Variants in PPIL2 observed in about 807,000 individuals in gnomAD.
PPIL2 encodes the protein peptidylprolyl isomerase like 2.
PPIL2 carries 50 observed loss-of-function variants against 75.2 expected under a neutral mutation model. The observed-to-expected ratio is 0.66, with a 90% confidence interval of 0.53 to 0.84. PPIL2 has a LOEUF of 0.84. PPIL2 is among the 40% of genes least tolerant of loss of function. The pLI, the probability that PPIL2 is intolerant of heterozygous loss-of-function variation, is 0.00. For synonymous variants in PPIL2, 245 were observed against 258.8 expected, an observed-to-expected ratio of 0.95 and a Z score of 0.51; for missense variants, 590 against 685.0, an observed-to-expected ratio of 0.86 and a Z score of 1.55.
intron 7 of PPIL2, 98 bp from the exon 8 acceptor site, chr22:21,682,339 C>A: frequency 1.0e-6 from 1 of 989,392 alleles, no homozygotes. Context: ...CCTCTCAAAT[C>A]GTGCCATGGT....
chr22:21,670,130 C>A, intron 2 of PPIL2, 168 bp downstream of exon 2: 1 of 871,584 alleles, frequency 1.1e-6, no homozygotes, highest in Non-Finnish European at 1.8e-6. Context: ...GATAGAAGAA[C>A]CTGCTTCATC....
chr22:21,687,003 G>C lies in PPIL2; in HGVS notation c.897+5G>C. On this transcript the variant is annotated splice_donor_5th_base_variant and intron_variant, in intron 12 of 19. Coordinates refer to ENST00000398831, the MANE Select transcript of PPIL2 (RefSeq NM_014337.4). The stretch of plus-strand genomic sequence containing the variant: ...CTGGAGCTGCACTGCGACCTGGTGG[G>C]TGTGGAGGCCAGCCACTCCCCATGC... 1 of 1,612,586 alleles carries C rather than the reference G, an allele frequency of 6.2e-7. No homozygotes were observed. Among genetic ancestry groups the C allele is most frequent in the Non-Finnish European group, 8.5e-7 (1 of 1,179,382 alleles).
In PPIL2 at chr22:21,666,020, C is replaced by T; in HGVS notation, c.-80C>T. On this transcript the variant is annotated 5_prime_UTR_variant, in exon 1 of 20. The change creates a new upstream start codon in the 5' untranslated region. Transcript: ENST00000398831. ...GCGCCGCGGAACCCGGAAGTGGTCACGGAACTCGGCTGCGGCTCCATGGTC... is the reference window on the plus strand; with the variant it reads ...GCGCCGCGGAACCCGGAAGTGGTCATGGAACTCGGCTGCGGCTCCATGGTC... 6.6e-7 allele frequency: 1 copy of T among 1,525,624 alleles called. No individual in the cohort carries two copies. The highest frequency in any genetic ancestry group is 8.9e-7 in the Non-Finnish European group (1 of 1,121,608). 94.5% of individuals were successfully genotyped at this position (1,525,624 alleles called of 1,614,324 possible).
At chr22:21,675,702 C>A (rs1488110736) in intron 6 of PPIL2, among the ~76,000 whole-genome samples, 1 of 152,198 alleles carries the variant, frequency 6.6e-6, no homozygotes, top group African/African-American at 2.4e-5. Context: ...GGGCATGGGC[C>A]CCCTCTGGCT....
intron 15 of PPIL2, among the ~76,000 whole-genome samples, chr22:21,692,330 A>G (rs1311779588): frequency 1.3e-5 from 2 of 151,370 alleles, no homozygotes; most frequent in South Asian, 4.2e-4. Flanking sequence ...AATTTTTTGT[A>G]TTTTTAGTAG....
At chr22:21,681,172 C>T (rs1289922153) in intron 6 of PPIL2, 127 bp from the exon 7 acceptor site, 4 of 730,806 alleles carry the variant, frequency 5.5e-6, no homozygotes, top group Non-Finnish European at 7.2e-6. Context: ...TGGCAGCTGA[C>T]ATGGGGTTCC....
At chr22:21,670,410 G>C (rs2066586780) in intron 2 of PPIL2, 156 bp from the exon 3 acceptor site, 1 of 1,473,820 alleles carries the variant, frequency 6.8e-7, no homozygotes, top group Non-Finnish European at 9.1e-7. Context: ...CAAGTGTTTT[G>C]GTTTATCTGT....
chr22:21,695,193 C>A, intron 19 of PPIL2, 123 bp downstream of exon 19: 1 of 1,405,304 alleles, frequency 7.1e-7, no homozygotes. Context: ...TGGGCTTGTG[C>A]TGTGTGGCCT....
At chr22:21,671,281 T>TC (rs1334400469) in intron 4 of PPIL2, among the ~76,000 whole-genome samples, 2 of 152,190 alleles carry the variant, frequency 1.3e-5, no homozygotes, top group Admixed American at 1.3e-4. Context: ...CCCCTACCCC[T>TC]CCAAGTGCAG....
At chr22:21,698,082 C>CTT (rs2068007849), downstream of PPIL2, 2 of 152,204 alleles carry the variant, frequency 1.3e-5, no homozygotes, top group African/African-American at 4.8e-5. Context: ...TTTTAAATAA[C>CTT]TTAAATAGAA....
At chr22:21,669,138 CTT>C (rs1195574332) in intron 1 of PPIL2, among the ~76,000 whole-genome samples, 1 of 151,398 alleles carries the variant, frequency 6.6e-6, no homozygotes, top group East Asian at 2.0e-4. Context: ...CGTGAGCCAC[CTT>C]GCCCGGCCGG....
chr22:21,682,268 C>G (rs548767633), intron 7 of PPIL2, among the ~76,000 whole-genome samples, 169 bp from the exon 8 acceptor site: 2 of 152,320 alleles, frequency 1.3e-5, no homozygotes, highest in Non-Finnish European at 2.9e-5. Context: ...AGCTCCGCCT[C>G]TGTGGGAGCC....
intron 14 of PPIL2, among the ~76,000 whole-genome samples, chr22:21,688,467 A>T (rs998387399): frequency 6.6e-6 from 1 of 152,142 alleles, no homozygotes; most frequent in African/African-American, 2.4e-5. Context: ...AGTGATGATG[A>T]TGGTGGCCTT....
intron 6 of PPIL2, among the ~76,000 whole-genome samples, chr22:21,676,194 G>A (rs1459169172): frequency 2.6e-5 from 4 of 151,764 alleles, no homozygotes; most frequent in African/African-American, 9.7e-5. Flanking sequence ...AGGACACGGC[G>A]CTCCACCCTG....
chr22:21,686,818 A>T, intron 11 of PPIL2, 74 bp from the exon 12 acceptor site: 1 of 1,407,778 alleles, frequency 7.1e-7, no homozygotes, highest in Non-Finnish European at 1.0e-6. Flanking sequence ...TGTGTGTCTG[A>T]GGTCGGTGCT....
rs2067837725 is a variant in PPIL2, at chr22:21,694,672, G to A, written c.1269+7G>A. The A allele has an allele frequency of 6.2e-7, 1 of 1,613,934 alleles. No homozygotes were observed. Among genetic ancestry groups the A allele is most frequent in the Non-Finnish European group, 8.5e-7 (1 of 1,180,014 alleles). ...CAAAACTGACCGCCCTAAGGTCTGT[G>A]CCCAGGGAGGTGGGGCGTGGCGGCT... On this transcript the variant is annotated splice_region_variant and intron_variant, in intron 17 of 19. Transcript: ENST00000398831.
intron 3 of PPIL2, 62 bp downstream of exon 3, chr22:21,670,673 A>G: frequency 6.6e-7 from 1 of 1,512,584 alleles, no homozygotes; most frequent in African/African-American, 1.4e-5. Context: ...CTGATAGTGA[A>G]TCTGCCCCTT....
chr22:21,669,928 T>C lies in PPIL2; in HGVS notation c.48T>C (p.Ala16=). The C allele has an allele frequency of 6.2e-7, 1 of 1,614,070 alleles. No homozygotes were observed. Among genetic ancestry groups the C allele is most frequent in the Non-Finnish European group, 8.5e-7 (1 of 1,179,870 alleles). ...TCTTCTTCAGGTACATTACCTGTGC[T>C]GAATACACTCACTTTTATGGTGGCA... The part of the protein sequence containing the change: ...HQKDKMYITC[A]EYTHFYGGKK... Residue 16 remains alanine, a synonymous_variant, in exon 2 of 20, where the codon GCT becomes GCC. Coordinates refer to ENST00000398831, the MANE Select transcript of PPIL2 (RefSeq NM_014337.4).
chr22:21,682,233 C>G (rs1350397215), intron 7 of PPIL2, among the ~76,000 whole-genome samples: 3 of 152,202 alleles, frequency 2.0e-5, no homozygotes, highest in African/African-American at 7.2e-5. Flanking sequence ...CGAGGGTGAA[C>G]TGGCTCATCG....
Sources: allele counts gnomAD v4.1 joint callset (sites outside exome capture counted in the v4.1 genomes callset), GRCh38; gene constraint gnomAD v4.1.1; transcripts MANE v1.5; gene names NCBI Gene and HGNC (gene_info 2026-07-23, HGNC 2026-07-21).